The following GRM7 variants were observed in gnomAD, a reference collection of about 807,000 sequenced individuals.
The protein encoded by GRM7 is glutamate metabotropic receptor 7, also known as metabotropic glutamate receptor 7.
In GRM7, 35 loss-of-function variants were observed where a neutral mutation model predicts 84.5. The observed-to-expected ratio is 0.41, with a 90% confidence interval of 0.32 to 0.55. The LOEUF (loss-of-function observed/expected upper bound fraction) is 0.55. Among genes scored for constraint, GRM7 ranks in the 20% least tolerant of loss-of-function variants. The pLI is 0.19. For missense variants in GRM7, 1,003 were observed against 1,194.6 expected (o/e 0.84, Z 2.36); for synonymous variants, 487 against 455.1 (o/e 1.07, Z -0.89).
At position 7,243,002 on chromosome 3, in the gene GRM7, G is replaced by C. The variant is rs372029607; in HGVS notation, c.737-55682G>C. Among the ~76,000 whole-genome samples, 90 of 152,182 alleles carry C rather than the reference G, an allele frequency of 5.9e-4. 5 individuals carry two copies. The South Asian group carries it at 0.014, about 24-fold the overall frequency. ...TCCTTTTTCAAATGATAAAAATGAA[G>C]TTCAGAAATATTCAGTGGTGTGCTG... is the stretch of plus-strand genomic sequence containing the variant. On this transcript the variant is annotated intron_variant, in intron 2 of 9. Transcript: ENST00000357716.
intron 4 of GRM7, among the ~76,000 whole-genome samples, chr3:7,392,035 G>A (rs944899426): frequency 6.6e-6 from 1 of 152,156 alleles, no homozygotes; most frequent in Non-Finnish European, 1.5e-5. Context: ...TCAGTAGCTG[G>A]TGCAGTTTCA....
At chr3:7,220,058 C>A (rs1027009190) in intron 2 of GRM7, among the ~76,000 whole-genome samples, 1 of 152,090 alleles carries the variant, frequency 6.6e-6, no homozygotes, top group African/African-American at 2.4e-5. Context: ...AAGTCCCTGG[C>A]TGATATAAAT....
chr3:7,089,045 G>T (rs1327094199), intron 1 of GRM7, among the ~76,000 whole-genome samples: 1 of 151,992 alleles, frequency 6.6e-6, no homozygotes, highest in Non-Finnish European at 1.5e-5. Flanking sequence ...AACAACAAAA[G>T]GTCTGGACAC....
chr3:7,371,325 C>A (rs967800511), intron 4 of GRM7, among the ~76,000 whole-genome samples: 1 of 152,152 alleles, frequency 6.6e-6, no homozygotes, highest in African/African-American at 2.4e-5. Flanking sequence ...ACTTAGAAAG[C>A]ACTAACCTAG....
rs1299123687 is a variant in GRM7 at position 7,486,920 on chromosome 3, G to A, written c.1515+25198G>A. Among the ~76,000 whole-genome samples the A allele has an allele frequency of 1.3e-5, 2 of 152,180 alleles. No individual in the cohort carries two copies. Among genetic ancestry groups the A allele is most frequent in the African/African-American group, 4.8e-5 (2 of 41,442 alleles). ...CCTAGATTCTTGTGAGGACATAGAA[G>A]ACGAGAATACTAGGGAAAGTTTGGA... On this transcript the variant is annotated intron_variant, in intron 7 of 9. Coordinates refer to ENST00000357716, the MANE Select transcript of GRM7 (RefSeq NM_000844.4). This position sits in a 1 kb window ranked among gnomAD's most constrained non-coding sequence, Gnocchi z 5.5.
At chr3:7,013,145 A>AC (rs35012621) in intron 1 of GRM7, among the ~76,000 whole-genome samples, 109,444 of 150,378 alleles carry the variant, frequency 0.73, 39,914 homozygotes, top group East Asian at 0.82. Flanking sequence ...AAAAAAAAAA[A>AC]GTTCAGAAAC....
chr3:7,152,750 A>T (rs1476229172), intron 2 of GRM7, among the ~76,000 whole-genome samples: 2 of 152,234 alleles, frequency 1.3e-5, no homozygotes, highest in Admixed American at 1.3e-4. Flanking sequence ...TAACATCACA[A>T]TATTCTTACA....
At chr3:7,215,664 CAAAAAAATA>C (rs1372242400) in intron 2 of GRM7, among the ~76,000 whole-genome samples, 1 of 137,176 alleles carries the variant, frequency 7.3e-6, no homozygotes, top group Non-Finnish European at 1.7e-5. Context: ...GACTCTGTCT[CAAAAAAATA>C]AATAAATAAA....
chr3:7,168,291 C>A (rs1473229057), intron 2 of GRM7, among the ~76,000 whole-genome samples: 2 of 152,104 alleles, frequency 1.3e-5, no homozygotes, highest in Admixed American at 6.5e-5. Context: ...GTTCTTCATG[C>A]CTTCTATGGA....
intron 7 of GRM7, among the ~76,000 whole-genome samples, chr3:7,566,184 A>G (rs539563209): frequency 1.4e-5 from 2 of 147,360 alleles, no homozygotes; most frequent in African/African-American, 5.1e-5. Flanking sequence ...TGCATTGCCA[A>G]CTACTCATTT....
At chr3:7,114,032 A>G (rs1692948076) in intron 1 of GRM7, among the ~76,000 whole-genome samples, 3 of 152,296 alleles carry the variant, frequency 2.0e-5, no homozygotes, top group South Asian at 2.1e-4. Flanking sequence ...AAATACAGCT[A>G]CTATGCATAT....
intron 9 of GRM7, among the ~76,000 whole-genome samples, chr3:7,722,160 C>T (rs1407099366): frequency 6.6e-6 from 1 of 152,068 alleles, no homozygotes; most frequent in African/African-American, 2.4e-5. Flanking sequence ...CCCTTTCTGT[C>T]GAGAGAAAAG....
At chr3:7,223,509 C>T (rs948584341) in intron 2 of GRM7, among the ~76,000 whole-genome samples, 17 of 74,646 alleles carry the variant, frequency 2.3e-4, no homozygotes, top group African/African-American at 1.0e-3. Context: ...TTTTCTTTGC[C>T]TAAAGAGTTC....
At chr3:7,047,914 A>G (rs980081551) in intron 1 of GRM7, among the ~76,000 whole-genome samples, 2 of 151,992 alleles carry the variant, frequency 1.3e-5, no homozygotes, top group Non-Finnish European at 2.9e-5. Flanking sequence ...TACTAATGTC[A>G]TTAGATGCCT....
intron 2 of GRM7, among the ~76,000 whole-genome samples, chr3:7,171,340 A>T (rs1694976588): frequency 1.3e-5 from 2 of 152,120 alleles, no homozygotes; most frequent in African/African-American, 4.8e-5. Flanking sequence ...GCCCAGCCTA[A>T]TAATCTTATG....
rs377735179 is a variant in GRM7 at position 7,044,841 on chromosome 3, C to T, written c.520-101611C>T. Reference sequence around the variant, plus strand: ...AAAGTTTACCCACACTCACAGAGATCCTAATTTCTTCCCACTTAGTCCCTG... The same window carrying T: ...AAAGTTTACCCACACTCACAGAGATTCTAATTTCTTCCCACTTAGTCCCTG... On this transcript the variant is annotated intron_variant, in intron 1 of 9. Coordinates refer to ENST00000357716, the MANE Select transcript of GRM7 (RefSeq NM_000844.4). Among the ~76,000 whole-genome samples the T allele has an allele frequency of 3.1e-4, 47 of 152,278 alleles. No individual in the cohort carries two copies. In the South Asian group the frequency reaches 9.7e-3, roughly 32 times the overall value.
intron 2 of GRM7, among the ~76,000 whole-genome samples, chr3:7,256,458 T>A (rs6793086): frequency 0.9 from 137,025 of 152,264 alleles, 61,923 homozygotes; most frequent in East Asian, 1. Flanking sequence ...TTTATCACTT[T>A]TGTATTAGAA....
intron 2 of GRM7, among the ~76,000 whole-genome samples, chr3:7,295,941 A>C (rs1362017592): frequency 2.0e-5 from 3 of 152,094 alleles, no homozygotes; most frequent in African/African-American, 4.8e-5. Context: ...TTTATAGTAC[A>C]GTATTGAACA....
chr3:7,602,653 C>A (rs1221966160), intron 8 of GRM7, among the ~76,000 whole-genome samples: 2 of 152,070 alleles, frequency 1.3e-5, no homozygotes, highest in African/African-American at 2.4e-5. Flanking sequence ...AGAAATCTTT[C>A]TTTATGAAGA....
Sources: allele counts gnomAD v4.1 joint callset (sites outside exome capture counted in the v4.1 genomes callset), GRCh38; gene constraint gnomAD v4.1.1; non-coding constraint Gnocchi (gnomAD v3.1); transcripts MANE v1.5; gene names NCBI Gene and HGNC (gene_info 2026-07-23, HGNC 2026-07-21).